SCN11A: variants seen among roughly 807,000 people sequenced by gnomAD.
SCN11A encodes the protein sodium voltage-gated channel alpha subunit 11.
In SCN11A, 122 loss-of-function variants were observed where a neutral mutation model predicts 162.2. The observed-to-expected ratio is 0.75, with a 90% confidence interval of 0.65 to 0.87. The LOEUF (loss-of-function observed/expected upper bound fraction) is 0.87, where lower values mean the gene tolerates loss of function less well. Ranked by LOEUF, SCN11A falls within the 40% of genes least tolerant of loss-of-function variation. The pLI is 0.00. For synonymous variants in SCN11A, 758 were observed against 751.5 expected, an observed-to-expected ratio of 1.01 and a Z score of -0.14; for missense variants, 2,015 against 2,181.6, an observed-to-expected ratio of 0.92 and a Z score of 1.52.
chr3:39,009,599 T>G (rs1368142096), intron 2 of SCN11A, among the ~76,000 whole-genome samples: 2 of 147,246 alleles, frequency 1.4e-5, no homozygotes, highest in East Asian at 4.0e-4. Flanking sequence ...AAATAGAAAG[T>G]TGAACAGAAA....
chr3:38,890,825 T>G (rs1013038833), intron 19 of SCN11A, among the ~76,000 whole-genome samples: 18 of 152,234 alleles, frequency 1.2e-4, no homozygotes, highest in African/African-American at 3.9e-4. Flanking sequence ...ACCAAAGCTT[T>G]CACATTGTGT....
At chr3:38,963,386 TG>T (rs1243022951) in intron 2 of SCN11A, among the ~76,000 whole-genome samples, 36 of 62,942 alleles carry the variant, frequency 5.7e-4, no homozygotes, top group African/African-American at 7.2e-4. Flanking sequence ...TATATATATA[TG>T]ATGGAGATAT....
At chr3:39,050,068 T>C (rs2032287102) in intron 1 of SCN11A, among the ~76,000 whole-genome samples, 1 of 152,236 alleles carries the variant, frequency 6.6e-6, no homozygotes, top group Non-Finnish European at 1.5e-5. Context: ...AATAGACACT[T>C]AAGCAATTTT....
At chr3:38,887,898 A>AT (rs2065429920) in intron 19 of SCN11A, among the ~76,000 whole-genome samples, 1 of 152,242 alleles carries the variant, frequency 6.6e-6, no homozygotes, top group African/African-American at 2.4e-5. Flanking sequence ...ATGTAATAGC[A>AT]TATGTAAAAA....
chr3:38,997,108 T>C (rs1259852981), intron 2 of SCN11A, among the ~76,000 whole-genome samples: 1 of 152,206 alleles, frequency 6.6e-6, no homozygotes, highest in African/African-American at 2.4e-5. Context: ...AGTCATGTCA[T>C]GTCACTGCTC....
intron 1 of SCN11A, among the ~76,000 whole-genome samples, chr3:39,036,456 TTGAG>T (rs1293366886): frequency 1.3e-5 from 2 of 152,210 alleles, no homozygotes; most frequent in Non-Finnish European, 2.9e-5. Context: ...AGCAGATTTC[TTGAG>T]TAATATCCCA....
intron 23 of SCN11A, among the ~76,000 whole-genome samples, chr3:38,873,933 C>T (rs533343749): frequency 3.3e-5 from 5 of 152,148 alleles, no homozygotes; most frequent in African/African-American, 4.8e-5. Flanking sequence ...TCATGTTTTA[C>T]GGATCCATTC....
At chr3:38,878,406 C>T (rs2065255671) in intron 23 of SCN11A, among the ~76,000 whole-genome samples, 2 of 152,014 alleles carry the variant, frequency 1.3e-5, no homozygotes, top group African/African-American at 4.8e-5. Flanking sequence ...CTTAAGGTTA[C>T]ACAAAAAGAG....
intron 7 of SCN11A, among the ~76,000 whole-genome samples, chr3:38,928,994 T>C (rs767832713): frequency 1.3e-5 from 2 of 152,186 alleles, no homozygotes; most frequent in Non-Finnish European, 2.9e-5. Context: ...CCCATGATCA[T>C]AGCAGCACTG....
At chr3:38,880,544 T>C (rs2065291985) in intron 22 of SCN11A, among the ~76,000 whole-genome samples, 2 of 152,182 alleles carry the variant, frequency 1.3e-5, no homozygotes, top group South Asian at 4.1e-4. Flanking sequence ...GTCTCTTTAT[T>C]GCTTATAACA....
chr3:38,908,203 T>C, intron 13 of SCN11A, 81 bp from the exon 14 acceptor site: 2 of 1,235,510 alleles, frequency 1.6e-6, no homozygotes. Context: ...CTGAGAGTGG[T>C]GAAAATCTCT....
chr3:38,864,252 T>C (rs1418104510), intron 27 of SCN11A, among the ~76,000 whole-genome samples: 1 of 152,184 alleles, frequency 6.6e-6, no homozygotes, highest in Non-Finnish European at 1.5e-5. Flanking sequence ...TCAGGCTTAC[T>C]TTGATGAGGG....
At chr3:39,049,795 T>A (rs1454430723) in intron 1 of SCN11A, among the ~76,000 whole-genome samples, 2 of 152,242 alleles carry the variant, frequency 1.3e-5, no homozygotes, top group Non-Finnish European at 2.9e-5. Flanking sequence ...GTCTTCCTTG[T>A]CACTAGTTCT....
intron 3 of SCN11A, among the ~76,000 whole-genome samples, chr3:38,957,534 G>A (rs2066697030): frequency 1.3e-5 from 2 of 152,150 alleles, no homozygotes; most frequent in Non-Finnish European, 2.9e-5. Context: ...TGCGGGTTAC[G>A]ACTTGACGTG....
chr3:38,970,121 T>C (rs532024450), intron 2 of SCN11A, among the ~76,000 whole-genome samples: 51 of 152,206 alleles, frequency 3.4e-4, no homozygotes, highest in South Asian at 1.9e-3. Flanking sequence ...AGTGTTTCTG[T>C]AGGGGAGAGA....
intron 2 of SCN11A, among the ~76,000 whole-genome samples, chr3:38,971,673 G>C (rs1559560827): frequency 1.3e-5 from 2 of 152,084 alleles, no homozygotes; most frequent in Non-Finnish European, 2.9e-5. Context: ...TTGGCCCCCA[G>C]TAGCCCAGCC....
intron 7 of SCN11A, among the ~76,000 whole-genome samples, chr3:38,937,410 G>C (rs2066353603): frequency 1.3e-5 from 2 of 149,558 alleles, no homozygotes; most frequent in Non-Finnish European, 3.0e-5. Context: ...CACAGCAAAA[G>C]AAACTACCGT....
intron 14 of SCN11A, 46 bp from the exon 15 acceptor site, chr3:38,905,367 C>T: frequency 1.3e-6 from 2 of 1,581,410 alleles, no homozygotes; most frequent in East Asian, 2.3e-5. Context: ...GGGGCTGCCT[C>T]TCCTCAAAAC....
At chr3:38,967,051 T>G (rs2125585633) in intron 2 of SCN11A, among the ~76,000 whole-genome samples, 1 of 152,326 alleles carries the variant, frequency 6.6e-6, no homozygotes, top group South Asian at 2.1e-4. Context: ...TATGGCCAAC[T>G]GTGGCTCAGC....
Sources: gnomAD v4.1 joint callset for allele counts (sites outside exome capture counted in the v4.1 genomes callset) on GRCh38, gnomAD v4.1.1 for gene constraint, MANE v1.5 for transcripts, NCBI Gene and HGNC (gene_info 2026-07-23, HGNC 2026-07-21) for gene names.